Variants in ADAMTS20 observed in about 807,000 individuals in gnomAD.
ADAMTS20 encodes the protein A disintegrin and metalloproteinase with thrombospondin motifs 20.
Under a neutral mutation model 260.1 loss-of-function variants are expected in ADAMTS20, and 225 were observed. The ratio of observed to expected loss-of-function variants is 0.87; its 90% CI spans 0.78 to 0.97. ADAMTS20 has a LOEUF of 0.97. ADAMTS20 is among the 50% of genes least tolerant of loss of function. The probability of loss-of-function intolerance (pLI) is 0.00; values close to 1 mark genes in which losing one functional copy is unlikely to be tolerated. For synonymous variants in ADAMTS20, 802 were observed against 769.5 expected (o/e 1.04, Z -0.70); for missense variants, 2,400 against 2,337.7 (o/e 1.03, Z -0.55).
At chr12:43,531,924 A>G in intron 3 of ADAMTS20, 112 bp downstream of exon 3, 3 of 766,948 alleles carry the variant, frequency 3.9e-6, no homozygotes, top group Non-Finnish European at 5.2e-6. Flanking sequence ...AATTTAAAAA[A>G]TTAATTAAAA....
rs1940218129 is a variant in ADAMTS20, at chr12:43,376,042, A to T, written c.5312+15T>A. 1 of 1,584,196 alleles carries T rather than the reference A, an allele frequency of 6.3e-7. No homozygotes were observed. On this transcript the variant is annotated intron_variant, in intron 35 of 38. Coordinates refer to ENST00000389420, the MANE Select transcript of ADAMTS20 (RefSeq NM_025003.5). ...ACCATGAAAATGCTCAGATAGACCA[A>T]AACACATCTCGTACCTAAAGCCATA...
intron 14 of ADAMTS20, among the ~76,000 whole-genome samples, chr12:43,450,211 A>G (rs527861223): frequency 2.4e-4 from 36 of 152,276 alleles, no homozygotes; most frequent in Middle Eastern, 6.8e-3. Flanking sequence ...ATACAAGTAG[A>G]TGGCTTGTTC....
intron 7 of ADAMTS20, among the ~76,000 whole-genome samples, chr12:43,488,351 T>A (rs917441116): frequency 6.6e-6 from 1 of 152,270 alleles, no homozygotes; most frequent in African/African-American, 2.4e-5. Context: ...GAAGTCTCCA[T>A]AATCACAGGT....
At chr12:43,537,956 T>C (rs1243451894) in intron 2 of ADAMTS20, among the ~76,000 whole-genome samples, 1 of 152,258 alleles carries the variant, frequency 6.6e-6, no homozygotes, top group African/African-American at 2.4e-5. Flanking sequence ...TTGGCTATTG[T>C]GAACACTGCT....
chr12:43,499,687 T>C (rs1441358455), intron 4 of ADAMTS20, among the ~76,000 whole-genome samples: 1 of 152,018 alleles, frequency 6.6e-6, no homozygotes, highest in African/African-American at 2.4e-5. Context: ...GTGTTTTCAG[T>C]AGAGACAGGG....
chr12:43,430,931 C>G (rs1941430229), intron 22 of ADAMTS20, among the ~76,000 whole-genome samples: 1 of 152,214 alleles, frequency 6.6e-6, no homozygotes, highest in Non-Finnish European at 1.5e-5. Flanking sequence ...ATAAGCTACT[C>G]CATCCTCATC....
At chr12:43,533,582 C>T (rs1175139556) in intron 2 of ADAMTS20, among the ~76,000 whole-genome samples, 1 of 43,040 alleles carries the variant, frequency 2.3e-5, no homozygotes, top group Admixed American at 2.6e-4. Context: ...ATGCCATCCC[C>T]ATCAAGCTAC....
intron 10 of ADAMTS20, 119 bp from the exon 11 acceptor site, chr12:43,463,118 G>T: frequency 3.6e-6 from 2 of 554,628 alleles, no homozygotes; most frequent in Non-Finnish European, 5.8e-6. Flanking sequence ...GGTATAAGCT[G>T]AAACTAATCA....
At chr12:43,467,913 G>C (rs188583857) in intron 8 of ADAMTS20, among the ~76,000 whole-genome samples, 39 of 152,244 alleles carry the variant, frequency 2.6e-4, no homozygotes, top group African/African-American at 7.7e-4. Flanking sequence ...CTTATTAGCA[G>C]ATAACAAAGA....
At chr12:43,415,396 C>T (rs2137278661) in intron 28 of ADAMTS20, among the ~76,000 whole-genome samples, 1 of 152,160 alleles carries the variant, frequency 6.6e-6, no homozygotes, top group East Asian at 1.9e-4. Flanking sequence ...TGATGTCTCT[C>T]TTATACTAGA....
chr12:43,451,705 C>T (rs998037673), intron 14 of ADAMTS20, among the ~76,000 whole-genome samples: 5 of 152,108 alleles, frequency 3.3e-5, no homozygotes, highest in African/African-American at 1.2e-4. Context: ...CATAGCAGTG[C>T]ATTCTAATTG....
intron 2 of ADAMTS20, among the ~76,000 whole-genome samples, chr12:43,538,765 C>A (rs909109795): frequency 6.6e-6 from 1 of 152,104 alleles, no homozygotes; most frequent in Non-Finnish European, 1.5e-5. Flanking sequence ...ACATTGAAAT[C>A]TCCTTAAAGG....
At chr12:43,517,488 C>T (rs560886156) in intron 3 of ADAMTS20, among the ~76,000 whole-genome samples, 6 of 151,814 alleles carry the variant, frequency 4.0e-5, no homozygotes, top group South Asian at 4.1e-4. Context: ...AGAAAACTAA[C>T]GAAAGATGTG....
chr12:43,428,905 A>G lies in ADAMTS20; in HGVS notation c.3490-106T>C, dbSNP rs1179358299. 9.5e-6 allele frequency: 10 copies of G among 1,055,868 alleles called. No homozygotes were observed. In the East Asian group the frequency reaches 2.7e-4, roughly 29 times the overall value. 65.4% of individuals were successfully genotyped at this position (1,055,868 alleles called of 1,614,324 possible). ...TTTCTAAAACATCCAGTTTCTTGAGAAATTTTAAATTATTATAGATAATAT... is the reference window on the plus strand; with the variant it reads ...TTTCTAAAACATCCAGTTTCTTGAGGAATTTTAAATTATTATAGATAATAT... On this transcript the variant is annotated intron_variant, in intron 24 of 38. Coordinates refer to ENST00000389420, the MANE Select transcript of ADAMTS20 (RefSeq NM_025003.5).
chr12:43,537,699 T>A (rs1420937083), intron 2 of ADAMTS20, among the ~76,000 whole-genome samples: 1 of 152,104 alleles, frequency 6.6e-6, no homozygotes, highest in Admixed American at 6.5e-5. Flanking sequence ...CTCTGAACCA[T>A]CCCTTCTACT....
chr12:43,509,530 T>C (rs997813718), intron 3 of ADAMTS20, among the ~76,000 whole-genome samples: 4 of 152,040 alleles, frequency 2.6e-5, no homozygotes, highest in African/African-American at 9.7e-5. Context: ...GTAAGGAAAG[T>C]GAGAAAATTA....
chr12:43,432,907 G>C, intron 19 of ADAMTS20, 96 bp from the exon 20 acceptor site: 1 of 1,128,164 alleles, frequency 8.9e-7, no homozygotes, highest in Non-Finnish European at 1.3e-6. Flanking sequence ...AATCCTAAAA[G>C]TTGATAGACA....
In ADAMTS20 at chr12:43,412,802, ATTTTTTTT is replaced by A. The variant is rs139458463; in HGVS notation, c.4284+12704_4284+12711del. On this transcript the variant is annotated intron_variant, in intron 28 of 38. Coordinates refer to ENST00000389420, the MANE Select transcript of ADAMTS20 (RefSeq NM_025003.5). ...TCTCTAGTTAGCAGAATAGGAAATAATTTTTTTTTTTTTTTTTTTTTTTTTTTGAGACA... is the reference window on the plus strand; with the variant it reads ...TCTCTAGTTAGCAGAATAGGAAATAATTTTTTTTTTTTTTTTTTTGAGACA... 4.1e-3 allele frequency among the ~76,000 whole-genome samples: 345 copies of A among 84,324 alleles called. 4 individuals are homozygous for A. Among genetic ancestry groups the A allele is most frequent in the African/African-American group, 0.017 (326 of 19,116 alleles). 55.3% of individuals were successfully genotyped at this position (84,324 alleles called of 152,430 possible).
At chr12:43,452,884 C>T (rs573612464) in intron 12 of ADAMTS20, among the ~76,000 whole-genome samples, 189 bp from the exon 13 acceptor site, 3 of 152,244 alleles carry the variant, frequency 2.0e-5, no homozygotes, top group Non-Finnish European at 4.4e-5. Context: ...TCCACCTTAA[C>T]GTGGACAGTG....
Sources: allele counts gnomAD v4.1 joint callset (sites outside exome capture counted in the v4.1 genomes callset), GRCh38; gene constraint gnomAD v4.1.1; transcripts MANE v1.5; gene names NCBI Gene and HGNC (gene_info 2026-07-23, HGNC 2026-07-21).